Variants in MKLN1 observed in about 807,000 individuals in gnomAD.
The protein encoded by MKLN1 is muskelin 1.
In MKLN1, 18 loss-of-function variants were observed where a neutral mutation model predicts 99.0. That is an observed-to-expected ratio of 0.18 (90% CI 0.13 to 0.27). MKLN1 has a LOEUF of 0.27. Among genes scored for constraint, MKLN1 ranks in the 10% least tolerant of loss-of-function variants. MKLN1 has a pLI of 1.00. For synonymous variants in MKLN1, 288 were observed against 293.2 expected (o/e 0.98, Z 0.18); for missense variants, 621 against 875.9 (o/e 0.71, Z 3.67).
At chr7:131,291,323 G>T (rs1798213513) in intron 3 of MKLN1, among the ~76,000 whole-genome samples, 1 of 150,824 alleles carries the variant, frequency 6.6e-6, no homozygotes, top group Non-Finnish European at 1.5e-5. Flanking sequence ...TAGAGATGGG[G>T]TTTCATCATG....
intron 3 of MKLN1, among the ~76,000 whole-genome samples, chr7:131,230,435 T>G (rs1262779457): frequency 6.6e-6 from 1 of 152,184 alleles, no homozygotes; most frequent in Non-Finnish European, 1.5e-5. Flanking sequence ...GTGGGGATGA[T>G]GAGGAGGCAG....
chr7:131,254,078 G>C (rs1049181147), intron 3 of MKLN1, among the ~76,000 whole-genome samples: 1 of 152,160 alleles, frequency 6.6e-6, no homozygotes, highest in Non-Finnish European at 1.5e-5. Context: ...CTAACACCTA[G>C]GGCTTATACC....
At chr7:131,248,077 AT>A (rs1554542173) in intron 3 of MKLN1, among the ~76,000 whole-genome samples, 1 of 95,838 alleles carries the variant, frequency 1.0e-5, no homozygotes. Flanking sequence ...TACATTTATT[AT>A]TTATTTATTT....
At chr7:131,154,367 C>A (rs1174553681) in intron 2 of MKLN1, among the ~76,000 whole-genome samples, 1 of 152,164 alleles carries the variant, frequency 6.6e-6, no homozygotes, top group Non-Finnish European at 1.5e-5. Flanking sequence ...CAGGTGTGAG[C>A]CACCGCCCCG....
chr7:131,417,002 AACTC>A (rs1795037595), intron 8 of MKLN1, among the ~76,000 whole-genome samples: 1 of 151,516 alleles, frequency 6.6e-6, no homozygotes, highest in African/African-American at 2.4e-5. Flanking sequence ...AAAAAAAAAA[AACTC>A]AAAGAGGAAA....
chr7:131,164,708 G>A (rs761272785), intron 2 of MKLN1, among the ~76,000 whole-genome samples: 3 of 152,050 alleles, frequency 2.0e-5, no homozygotes, highest in Non-Finnish European at 4.4e-5. Context: ...ATTCCTTAGC[G>A]GTTTCAAATG....
chr7:131,479,954 G>T (rs1406065872), intron 17 of MKLN1, among the ~76,000 whole-genome samples: 1 of 151,042 alleles, frequency 6.6e-6, no homozygotes, highest in African/African-American at 2.4e-5. Flanking sequence ...CCAGGAGGGG[G>T]AGGTTGCAGT....
chr7:131,298,183 A>G (rs944313327), intron 3 of MKLN1, among the ~76,000 whole-genome samples: 1 of 152,132 alleles, frequency 6.6e-6, no homozygotes, highest in Non-Finnish European at 1.5e-5. Flanking sequence ...AGGCAGAAGA[A>G]TGGCGTGAAC....
chr7:131,387,649 A>T (rs910108350), intron 3 of MKLN1, among the ~76,000 whole-genome samples: 7 of 152,200 alleles, frequency 4.6e-5, no homozygotes, highest in African/African-American at 1.7e-4. Context: ...TCCAGAAGCA[A>T]TATTCTAGTG....
intron 2 of MKLN1, among the ~76,000 whole-genome samples, chr7:131,376,776 C>T (rs960129417): frequency 1.3e-5 from 2 of 151,788 alleles, no homozygotes; most frequent in Admixed American, 1.3e-4. Flanking sequence ...TTTGAGCCCC[C>T]TCTTATATCT....
At chr7:131,217,481 T>C (rs1422633872) in intron 3 of MKLN1, among the ~76,000 whole-genome samples, 2 of 152,216 alleles carry the variant, frequency 1.3e-5, no homozygotes, top group Non-Finnish European at 2.9e-5. Context: ...GCAGATCACC[T>C]GAGGTCAGGA....
intron 3 of MKLN1, among the ~76,000 whole-genome samples, chr7:131,312,857 G>A (rs927063135): frequency 2.6e-5 from 4 of 152,168 alleles, no homozygotes; most frequent in African/African-American, 9.7e-5. Flanking sequence ...ACAAATGACA[G>A]TGCTATGGAG....
intron 1 of MKLN1, among the ~76,000 whole-genome samples, chr7:131,372,651 T>G (rs1793499611): frequency 6.6e-6 from 1 of 151,868 alleles, no homozygotes; most frequent in Non-Finnish European, 1.5e-5. Flanking sequence ...TAATCCTCCA[T>G]TGTTAGTTTA....
Position 131,295,624 on chromosome 7 carries a change from G to A in MKLN1, c.-178-79800G>A, listed in dbSNP as rs754818574. Among the ~76,000 whole-genome samples, 13 of 152,106 alleles carry A rather than the reference G, an allele frequency of 8.5e-5. No individual in the cohort carries two copies. In the East Asian group the frequency reaches 1.9e-3, roughly 23 times the overall value. On this transcript the variant is annotated intron_variant, in intron 3 of 7. Coordinates refer to the MKLN1 transcript ENST00000416992. ...CAAAAAGCCAGGTGTGGTAGTTCAC[G>A]CCTATAATCCCAACACTTTGGGGCC... is the stretch of plus-strand genomic sequence containing the variant.
chr7:131,461,631 A>G (rs1223630488), intron 12 of MKLN1, among the ~76,000 whole-genome samples: 3 of 152,224 alleles, frequency 2.0e-5, no homozygotes, highest in Admixed American at 1.3e-4. Flanking sequence ...GAAGACCAAG[A>G]TCAATATGGC....
intron 1 of MKLN1, among the ~76,000 whole-genome samples, chr7:131,332,276 A>G (rs554556782): frequency 6.7e-6 from 1 of 149,968 alleles, no homozygotes; most frequent in South Asian, 2.1e-4. Flanking sequence ...CAAAAGAAAA[A>G]AAATATATAA....
chr7:131,119,968 C>T (rs968151342), intron 1 of MKLN1, among the ~76,000 whole-genome samples: 1 of 152,122 alleles, frequency 6.6e-6, no homozygotes, highest in African/African-American at 2.4e-5. Context: ...AATATAAGTT[C>T]TAGTTTCAAG....
chr7:131,478,775 G>C (rs752083523), intron 17 of MKLN1, 98 bp downstream of exon 17: 1 of 1,339,162 alleles, frequency 7.5e-7, no homozygotes, highest in Non-Finnish European at 1.1e-6. Context: ...AGATGTTTCA[G>C]TCAAATAGAT....
intron 12 of MKLN1, among the ~76,000 whole-genome samples, chr7:131,453,002 G>A (rs1002365019): frequency 6.6e-6 from 1 of 152,132 alleles, no homozygotes; most frequent in African/African-American, 2.4e-5. Context: ...CTTCATTGCT[G>A]TCAGTTTAGT....
Sources: allele counts gnomAD v4.1 joint callset (sites outside exome capture counted in the v4.1 genomes callset), GRCh38; gene constraint gnomAD v4.1.1; transcripts MANE v1.5; gene names NCBI Gene and HGNC (gene_info 2026-07-23, HGNC 2026-07-21).